MAPK6: variants seen among roughly 807,000 people sequenced by gnomAD.
MAPK6 encodes mitogen-activated protein kinase 6.
A neutral mutation model predicts 59.3 loss-of-function variants in MAPK6; 19 were observed. The ratio of observed to expected loss-of-function variants is 0.32; its 90% CI spans 0.22 to 0.47. The LOEUF (loss-of-function observed/expected upper bound fraction) is 0.47, where lower values mean the gene tolerates loss of function less well. MAPK6 is among the 20% of genes least tolerant of loss of function. The pLI is 1.00. For synonymous variants in MAPK6, 316 were observed against 290.3 expected, an observed-to-expected ratio of 1.09 and a Z score of -0.90; for missense variants, 724 against 847.9, an observed-to-expected ratio of 0.85 and a Z score of 1.81.
intron 2 of MAPK6, among the ~76,000 whole-genome samples, chr15:51,995,635 C>G (rs1360833612): frequency 6.6e-6 from 1 of 152,102 alleles, no homozygotes; most frequent in Non-Finnish European, 1.5e-5. Context: ...TCAAAACTTA[C>G]AGGCTTTCTA....
chr15:51,997,038 G>C (rs1380967939), intron 2 of MAPK6, among the ~76,000 whole-genome samples: 1 of 151,442 alleles, frequency 6.6e-6, no homozygotes, highest in African/African-American at 2.4e-5. Context: ...GGAGTGCAGT[G>C]GCACAATCTC....
intron 1 of MAPK6, among the ~76,000 whole-genome samples, chr15:52,038,858 C>A (rs1364171411): frequency 6.6e-6 from 1 of 152,166 alleles, no homozygotes; most frequent in African/African-American, 2.4e-5. Flanking sequence ...AATAACATCT[C>A]TCCCATTCTG....
chr15:52,037,777 C>A lies in MAPK6; in HGVS notation c.-631-8053C>A, dbSNP rs962164102. Among the ~76,000 whole-genome samples, 4 of 152,202 alleles carry A rather than the reference C, an allele frequency of 2.6e-5. No individual in the cohort carries two copies. In the East Asian group the frequency reaches 7.7e-4, roughly 29 times the overall value. ...GAATGTGATCAGATTCTGAAAAATT[C>A]GAGGATAGGACTTCCCTTCTCCAAA... On this transcript the variant is annotated intron_variant, in intron 1 of 5. Transcript: ENST00000261845.
In MAPK6 at chr15:52,003,211, A is replaced by G. The variant is rs905829470; in HGVS notation, c.-769-1054A>G. ...TTAAAAAAAAAACCAAAAAACAAAC[A>G]AAAAAAACACGATCAGATCTCGTGA... On this transcript the variant is annotated intron_variant, in intron 2 of 7. Transcript: ENST00000691380. Among the ~76,000 whole-genome samples the G allele has an allele frequency of 5.0e-4, 76 of 151,840 alleles. 1 individual carries two copies. The highest frequency in any genetic ancestry group is 3.4e-3 in the Middle Eastern group (1 of 292).
intron 2 of MAPK6, among the ~76,000 whole-genome samples, chr15:51,994,456 G>T (rs539503131): frequency 3.7e-4 from 56 of 152,160 alleles, no homozygotes; most frequent in Non-Finnish European, 7.1e-4. Flanking sequence ...ATTTAGGTTC[G>T]TCTGAGGTTT....
chr15:52,062,493 G>C (rs144113693), intron 5 of MAPK6, among the ~76,000 whole-genome samples: 219 of 152,178 alleles, frequency 1.4e-3, no homozygotes, highest in Non-Finnish European at 2.5e-3. Context: ...GGCTGGGCGC[G>C]GTGGCTCATG....
chr15:51,989,625 G>C (rs1210345597), intron 2 of MAPK6, among the ~76,000 whole-genome samples: 5 of 151,394 alleles, frequency 3.3e-5, no homozygotes, highest in Non-Finnish European at 5.9e-5. Context: ...TTAGAGACAG[G>C]ATCTCACTCT....
intron 2 of MAPK6, among the ~76,000 whole-genome samples, chr15:52,048,899 AATATT>A (rs2031683919): frequency 1.4e-5 from 1 of 70,248 alleles, no homozygotes; most frequent in South Asian, 4.1e-4. Flanking sequence ...TCCACAGTGA[AATATT>A]GTGGGTAGAG....
At chr15:52,058,539 C>T in intron 3 of MAPK6, 94 bp from the exon 4 acceptor site, 7 of 1,060,194 alleles carry the variant, frequency 6.6e-6, no homozygotes, top group Non-Finnish European at 9.0e-6. Context: ...TTTCCCCCCA[C>T]TGGTCATTAT....
chr15:51,975,538 T>C (rs2057154874), intron 1 of MAPK6, among the ~76,000 whole-genome samples: 1 of 144,670 alleles, frequency 6.9e-6, no homozygotes, highest in Non-Finnish European at 1.5e-5. Context: ...AGACTCCGTC[T>C]AAAAAAAAAA....
At chr15:52,028,193 C>T (rs1377209187) in intron 1 of MAPK6, among the ~76,000 whole-genome samples, 1 of 151,938 alleles carries the variant, frequency 6.6e-6, no homozygotes, top group Non-Finnish European at 1.5e-5. Context: ...ACCTTGTGAT[C>T]CGCCCGCCTC....
At chr15:52,053,168 G>A (rs529671558) in intron 3 of MAPK6, among the ~76,000 whole-genome samples, 2 of 151,292 alleles carry the variant, frequency 1.3e-5, no homozygotes, top group South Asian at 4.2e-4. Context: ...TGCCACCCAG[G>A]TTCAAACAGT....
intron 1 of MAPK6, among the ~76,000 whole-genome samples, chr15:52,028,177 C>A (rs2030885345): frequency 6.6e-6 from 1 of 152,012 alleles, no homozygotes; most frequent in Non-Finnish European, 1.5e-5. Flanking sequence ...TGGTCTCGAT[C>A]TCCTGACCTT....
rs147922728 is a variant in MAPK6 at position 51,987,155 on chromosome 15, T to G, written c.-770+3840T>G. On this transcript the variant is annotated intron_variant, in intron 2 of 7. Coordinates refer to the MAPK6 transcript ENST00000691380. ...GAGATTATGGGAGAATTTTGCATTC[T>G]AATTTTTATGTTTCTGAAATGTTTT... Among the ~76,000 whole-genome samples the G allele has an allele frequency of 1.3e-3, 202 of 152,380 alleles. 3 individuals carry two copies. The highest frequency in any genetic ancestry group is 4.7e-3 in the African/African-American group (197 of 41,594).
intron 1 of MAPK6, among the ~76,000 whole-genome samples, chr15:51,974,502 A>T (rs191811895): frequency 0.014 from 2,134 of 150,190 alleles, 84 homozygotes; most frequent in Admixed American, 0.071. Flanking sequence ...AAAATATTTA[A>T]AAAAAAGTTA....
At chr15:51,972,742 A>C (rs1047769741) in intron 1 of MAPK6, among the ~76,000 whole-genome samples, 4 of 150,820 alleles carry the variant, frequency 2.7e-5, no homozygotes, top group Admixed American at 1.3e-4. Flanking sequence ...GAATGGCGTG[A>C]ACCCAGGAGG....
At chr15:51,978,635 T>C (rs996220133) in intron 1 of MAPK6, among the ~76,000 whole-genome samples, 4 of 151,612 alleles carry the variant, frequency 2.6e-5, no homozygotes, top group African/African-American at 9.7e-5. Flanking sequence ...TTTCAGAGAT[T>C]TTTTGGGGGG....
Position 52,058,184 on chromosome 15 carries a change from G to C in MAPK6, c.701-449G>C, listed in dbSNP as rs1739374435. On this transcript the variant is annotated intron_variant, in intron 3 of 5. Transcript: ENST00000261845. ...GCCTAACAACCTAGAAATGCTAACT[G>C]AGCCCTAACATAGAACTATAAAACT... Among the ~76,000 whole-genome samples, 3 of 152,182 alleles carry C rather than the reference G, an allele frequency of 2.0e-5. 1 individual carries two copies. In the South Asian group the frequency reaches 6.2e-4, roughly 32 times the overall value.
At chr15:51,984,384 C>T (rs1340726957) in intron 2 of MAPK6, among the ~76,000 whole-genome samples, 1 of 151,774 alleles carries the variant, frequency 6.6e-6, no homozygotes, top group Non-Finnish European at 1.5e-5. Flanking sequence ...CGGGTTCACG[C>T]CATTCTCCTG....
Sources: allele counts gnomAD v4.1 joint callset (sites outside exome capture counted in the v4.1 genomes callset), GRCh38; gene constraint gnomAD v4.1.1; transcripts MANE v1.5; gene names NCBI Gene and HGNC (gene_info 2026-07-23, HGNC 2026-07-21).